The following SNX18 variants were observed in gnomAD, a reference collection of about 807,000 sequenced individuals.
The protein encoded by SNX18 is sorting nexin 18.
SNX18 carries 35 observed loss-of-function variants against 48.7 expected under a neutral mutation model. That is an observed-to-expected ratio of 0.72 (90% confidence interval 0.55 to 0.95). SNX18 has a LOEUF of 0.95. Ranked by LOEUF, SNX18 falls within the 40% of genes least tolerant of loss-of-function variation. SNX18 has a pLI of 0.00. For synonymous variants in SNX18, 492 were observed against 384.7 expected, an observed-to-expected ratio of 1.28 and a Z score of -3.26; for missense variants, 824 against 871.0, an observed-to-expected ratio of 0.95 and a Z score of 0.68.
At chr5:54,620,385 A>G in the SNX18 span, among the ~76,000 whole-genome samples, 1 of 152,158 alleles carries the variant, frequency 6.6e-6, no homozygotes, top group African/African-American at 2.4e-5. Flanking sequence ...CAACTGGGGG[A>G]TGCAGTCAGC....
the SNX18 span, among the ~76,000 whole-genome samples, chr5:54,634,373 T>C: frequency 6.6e-6 from 1 of 152,070 alleles, no homozygotes; most frequent in Non-Finnish European, 1.5e-5. Context: ...GAGTTTAGTG[T>C]TTGCTTCCCT....
intron 1 of SNX18, among the ~76,000 whole-genome samples, chr5:54,540,658 C>G (rs1368478201): frequency 6.6e-6 from 1 of 152,138 alleles, no homozygotes; most frequent in East Asian, 1.9e-4. Context: ...AATTCAAGGC[C>G]AGGTTTCAGA....
At chr5:54,612,667 A>G in the SNX18 span, among the ~76,000 whole-genome samples, 1 of 152,202 alleles carries the variant, frequency 6.6e-6, no homozygotes, top group Non-Finnish European at 1.5e-5. Context: ...ATTTGAAGGC[A>G]ACAAGGCATG....
chr5:54,545,837 A>G lies in SNX18; in HGVS notation c.*2405A>G, dbSNP rs1181831279. On this transcript the variant is annotated 3_prime_UTR_variant, in exon 2 of 2. Transcript: ENST00000381410. ...TGGTCATCATGATCAGTGTGGTACA[A>G]TTTTTAAAAATAAACTATCATGCCC... 2 of 152,208 alleles carry G rather than the reference A, an allele frequency of 1.3e-5. No individual in the cohort carries two copies. The highest frequency in any genetic ancestry group is 2.9e-5 in the Non-Finnish European group (2 of 68,042). 9.4% of individuals were successfully genotyped at this position (152,208 alleles called of 1,614,324 possible).
intron 1 of SNX18, among the ~76,000 whole-genome samples, chr5:54,541,721 G>A (rs143109770): frequency 1.4e-4 from 22 of 152,262 alleles, no homozygotes; most frequent in African/African-American, 5.1e-4. Flanking sequence ...GAAAATAAAT[G>A]TGTACATATG....
Position 54,518,041 on chromosome 5 carries a change from G to T in SNX18, c.89G>T (p.Cys30Phe). The T allele has an allele frequency of 6.5e-7, 1 of 1,547,688 alleles. No homozygotes were observed. The highest frequency in any genetic ancestry group is 8.7e-7 in the Non-Finnish European group (1 of 1,151,176). The change falls in exon 1 of 2, where the codon TGC (cysteine) becomes TTC (phenylalanine). Residue 30 changes from cysteine to phenylalanine, a missense_variant. Cys to Phe is a radical substitution (Grantham distance 205). Around this residue, in one of 3 missense-constraint regions of SNX18, gnomAD observed 377 missense variants for 350.6 expected, o/e 1.08. Transcript: ENST00000381410. ...CGAGAGCACGAGGTGCTGAGCCTGT[G>T]CAGCGAGCAGGACATCGAGGGCTGG... Reference protein sequence around the residue: ...SLREHEVLSLCSEQDIEGWLE... With the variant: ...SLREHEVLSLFSEQDIEGWLE...
chr5:54,596,167 C>T, the SNX18 span, among the ~76,000 whole-genome samples: 1 of 152,176 alleles, frequency 6.6e-6, no homozygotes, highest in East Asian at 1.9e-4. Context: ...TGGTCTTCCC[C>T]TTTTAAAATG....
At chr5:54,638,012 A>AGAGAGAGAGG in the SNX18 span, among the ~76,000 whole-genome samples, 1 of 152,094 alleles carries the variant, frequency 6.6e-6, no homozygotes, top group South Asian at 2.1e-4. Flanking sequence ...AGAGAGAGAG[A>AGAGAGAGAGG]GAACATTTTC....
At chr5:54,533,532 C>A (rs1762289753) in intron 1 of SNX18, among the ~76,000 whole-genome samples, 2 of 152,192 alleles carry the variant, frequency 1.3e-5, no homozygotes, top group Admixed American at 6.5e-5. Context: ...GGGTATCCCC[C>A]CTTGGGCCAC....
the SNX18 span, among the ~76,000 whole-genome samples, chr5:54,605,005 G>A: frequency 6.6e-6 from 1 of 152,150 alleles, no homozygotes; most frequent in Admixed American, 6.5e-5. Context: ...GTAGACACAG[G>A]CTGGATATTG....
the SNX18 span, among the ~76,000 whole-genome samples, chr5:54,564,312 G>A: frequency 6.6e-6 from 1 of 151,364 alleles, no homozygotes; most frequent in Non-Finnish European, 1.5e-5. Context: ...AATAATAAAG[G>A]GTTTATTGAT....
chr5:54,595,453 T>A, the SNX18 span, among the ~76,000 whole-genome samples: 1,134 of 152,182 alleles, frequency 7.5e-3, 14 homozygotes, highest in African/African-American at 0.026. Context: ...GCCAGGCTGG[T>A]CTCCAACTCC....
At chr5:54,588,509 A>G in the SNX18 span, among the ~76,000 whole-genome samples, 3 of 151,822 alleles carry the variant, frequency 2.0e-5, no homozygotes, top group Non-Finnish European at 4.4e-5. Flanking sequence ...TTGTATTTTT[A>G]GTAGAGATGG....
intron 1 of SNX18, among the ~76,000 whole-genome samples, chr5:54,527,593 A>T (rs1762160539): frequency 6.6e-6 from 1 of 152,202 alleles, no homozygotes; most frequent in African/African-American, 2.4e-5. Flanking sequence ...ATTCTGCTCC[A>T]TGTCTCCCCA....
chr5:54,612,910 C>T, the SNX18 span, among the ~76,000 whole-genome samples: 1 of 152,214 alleles, frequency 6.6e-6, no homozygotes, highest in East Asian at 1.9e-4. Context: ...CCTAGGGCAG[C>T]TAATCCAGAC....
chr5:54,585,987 G>A, the SNX18 span, among the ~76,000 whole-genome samples: 13 of 150,106 alleles, frequency 8.7e-5, no homozygotes, highest in East Asian at 7.9e-4. Context: ...CCTGGGCGAC[G>A]GAGCGAGACT....
In SNX18 at chr5:54,519,553, A is replaced by C; in HGVS notation, c.1601A>C (p.Asp534Ala). The change falls in exon 1 of 2, where the codon GAC (aspartate) becomes GCC (alanine). Residue 534 changes from aspartate (D) to alanine (A), a missense_variant. Physicochemically the swap from Asp to Ala is moderately radical, Grantham distance 126. Transcript: ENST00000381410. ...LYQGHLANFP[D>A]IIHVQKGALT... Reference sequence around the variant, plus strand: ...CAGGGGCATCTGGCTAACTTCCCGGACATCATCCACGTTCAGAAAGGTAAA... The same window carrying C: ...CAGGGGCATCTGGCTAACTTCCCGGCCATCATCCACGTTCAGAAAGGTAAA... The C allele has an allele frequency of 6.2e-7, 1 of 1,614,210 alleles. No individual in the cohort carries two copies. The highest frequency in any genetic ancestry group is 8.5e-7 in the Non-Finnish European group (1 of 1,180,030).
chr5:54,535,992 A>G (rs947750049), intron 1 of SNX18, among the ~76,000 whole-genome samples: 1 of 152,152 alleles, frequency 6.6e-6, no homozygotes, highest in East Asian at 1.9e-4. Context: ...AAACTAATTC[A>G]GTAATTAAGT....
chr5:54,579,813 A>G, the SNX18 span, among the ~76,000 whole-genome samples: 3,620 of 152,350 alleles, frequency 0.024, 144 homozygotes, highest in African/African-American at 0.083. Flanking sequence ...GGCTGGCCTT[A>G]GGAATATTGC....
Sources: gnomAD v4.1 joint callset for allele counts (sites outside exome capture counted in the v4.1 genomes callset) on GRCh38, gnomAD v4.1.1 for gene constraint, gnomAD v4.1.1 regional missense constraint, MANE v1.5 for transcripts, NCBI Gene and HGNC (gene_info 2026-07-23, HGNC 2026-07-21) for gene names.